CDC42BPB: variants seen among roughly 807,000 people sequenced by gnomAD.
The protein encoded by CDC42BPB is CDC42 binding protein kinase beta, also known as serine/threonine-protein kinase MRCK beta.
In CDC42BPB, 37 loss-of-function variants were observed where a neutral mutation model predicts 214.9. That is an observed-to-expected ratio of 0.17 (90% confidence interval 0.13 to 0.23). The LOEUF is 0.23. CDC42BPB is among the 10% of genes least tolerant of loss of function. The pLI is 1.00. For synonymous variants in CDC42BPB, 931 were observed against 884.0 expected (o/e 1.05, Z -0.94); for missense variants, 1,694 against 2,227.0 (o/e 0.76, Z 4.82).
At chr14:102,972,563 C>G (rs2139477304) in intron 12 of CDC42BPB, among the ~76,000 whole-genome samples, 1 of 151,878 alleles carries the variant, frequency 6.6e-6, no homozygotes, top group East Asian at 1.9e-4. Flanking sequence ...GTGGTGGGTG[C>G]CTGTAGTCCC....
chr14:102,938,334 G>A lies in CDC42BPB; in HGVS notation c.4905C>T (p.Asn1635=). Residue 1635 remains asparagine, a synonymous_variant, in exon 35 of 37, where the codon AAC becomes AAT. Transcript: ENST00000361246. The stretch of plus-strand genomic sequence containing the variant: ...ATGAGGGCCACGAGATGTAGGGCTT[G>A]TTCCTGGATGGAGGCTGGCGAGCCA... ...TNLARQPPSR[N]KPYISWPSSG... is the part of the protein sequence containing the mutation. 2 of 1,605,540 alleles carry A rather than the reference G, an allele frequency of 1.2e-6. No individual in the cohort carries two copies. Among genetic ancestry groups the A allele is most frequent in the Non-Finnish European group, 1.7e-6 (2 of 1,176,442 alleles).
At chr14:103,000,456 G>T (rs1049659812) in intron 4 of CDC42BPB, among the ~76,000 whole-genome samples, 4 of 152,262 alleles carry the variant, frequency 2.6e-5, no homozygotes, top group East Asian at 1.9e-4. Context: ...CCAGTGGGGA[G>T]ATCTCACAGG....
intron 19 of CDC42BPB, 105 bp downstream of exon 19, chr14:102,964,397 C>A: frequency 7.2e-7 from 1 of 1,381,218 alleles, no homozygotes; most frequent in South Asian, 1.3e-5. Context: ...AACGCCGTGG[C>A]CCCGATTTTC....
At chr14:103,014,710 A>G (rs768700143) in intron 1 of CDC42BPB, among the ~76,000 whole-genome samples, 1 of 152,152 alleles carries the variant, frequency 6.6e-6, no homozygotes, top group East Asian at 1.9e-4. Flanking sequence ...GTTATGAACA[A>G]TGGCCCCCAT....
At chr14:102,980,225 T>C (rs1487943390) in intron 8 of CDC42BPB, among the ~76,000 whole-genome samples, 1 of 152,248 alleles carries the variant, frequency 6.6e-6, no homozygotes, top group African/African-American at 2.4e-5. Context: ...CTGGGCGCGA[T>C]GGCTCACGCC....
At chr14:102,994,654 TCTCCCAGCTG>T (rs1894645861) in intron 5 of CDC42BPB, among the ~76,000 whole-genome samples, 1 of 152,214 alleles carries the variant, frequency 6.6e-6, no homozygotes, top group Non-Finnish European at 1.5e-5. Context: ...AAGTGCATTT[TCTCCCAGCTG>T]CTGAGATTCT....
chr14:102,957,385 C>T (rs539862160), intron 21 of CDC42BPB, among the ~76,000 whole-genome samples: 1 of 152,068 alleles, frequency 6.6e-6, no homozygotes, highest in Admixed American at 6.5e-5. Context: ...GGGCCCTCTA[C>T]TCTGTTAATG....
intron 9 of CDC42BPB, 136 bp from the exon 10 acceptor site, chr14:102,976,185 T>G: frequency 6.9e-7 from 1 of 1,454,284 alleles, no homozygotes; most frequent in Non-Finnish European, 9.0e-7. Context: ...CTTTATGGTT[T>G]ATGGAACCAA....
At chr14:103,047,279 C>CTAA (rs1566926227) in intron 1 of CDC42BPB, among the ~76,000 whole-genome samples, 5 of 93,462 alleles carry the variant, frequency 5.3e-5, no homozygotes, top group African/African-American at 1.5e-4. Context: ...GTAATACTCT[C>CTAA]AAAAAAAAAA....
At chr14:102,986,296 G>A (rs1248835742) in intron 6 of CDC42BPB, 191 bp downstream of exon 6, 3 of 536,528 alleles carry the variant, frequency 5.6e-6, no homozygotes. Context: ...AAGCAATAAA[G>A]ATGCTTTCCA....
intron 13 of CDC42BPB, among the ~76,000 whole-genome samples, chr14:102,970,768 AT>A (rs1893438259): frequency 1.3e-5 from 2 of 152,310 alleles, no homozygotes; most frequent in South Asian, 4.1e-4. Flanking sequence ...CTAATTCCTC[AT>A]TAGGGGTATC....
At chr14:102,950,807 A>G in intron 24 of CDC42BPB, 1 of 447,800 alleles carries the variant, frequency 2.2e-6, no homozygotes, top group Non-Finnish European at 2.9e-6. Flanking sequence ...CTTTATTAAA[A>G]ATACAAAAAT....
In CDC42BPB at chr14:102,932,787, C is replaced by T. The variant is rs533551183; in HGVS notation, c.*925G>A. 10 of 151,866 alleles carry T rather than the reference C, an allele frequency of 6.6e-5. No homozygotes were observed. The South Asian group carries it at 1.7e-3, about 25-fold the overall frequency. The allele number at this position is 151,866 out of a possible 1,614,324, so 9.4% of individuals were successfully genotyped here. A position where few individuals can be genotyped will look rare whatever the true frequency, so the allele number is the denominator to read the frequency against. ...CGCAGGGGATTGCTGTGCCGTGGGCCGGGGCCAGTGTGCAGGAGTGTGTTG... is the reference window on the plus strand; with the variant it reads ...CGCAGGGGATTGCTGTGCCGTGGGCTGGGGCCAGTGTGCAGGAGTGTGTTG... On this transcript the variant is annotated 3_prime_UTR_variant, in exon 37 of 37. Transcript: ENST00000361246.
At chr14:102,942,324 G>A (rs928633355) in intron 30 of CDC42BPB, among the ~76,000 whole-genome samples, 2 of 152,202 alleles carry the variant, frequency 1.3e-5, no homozygotes, top group East Asian at 1.9e-4. Flanking sequence ...CACAGGCCTG[G>A]TGTCTAGCCA....
chr14:103,044,439 A>G (rs6575942), intron 1 of CDC42BPB, among the ~76,000 whole-genome samples: 14,227 of 144,556 alleles, frequency 0.098, 1,701 homozygotes, highest in African/African-American at 0.29. Flanking sequence ...GTGCAATCTC[A>G]GCTCACTGCA....
chr14:103,027,468 G>A (rs962246781), intron 1 of CDC42BPB, among the ~76,000 whole-genome samples: 5 of 152,162 alleles, frequency 3.3e-5, no homozygotes, highest in African/African-American at 9.7e-5. Flanking sequence ...AGTGAAAACC[G>A]AAATGTCCAT....
intron 11 of CDC42BPB, among the ~76,000 whole-genome samples, chr14:102,974,901 A>C (rs1002323942): frequency 9.9e-5 from 15 of 152,266 alleles, no homozygotes; most frequent in African/African-American, 3.4e-4. Context: ...AGCCGAGATC[A>C]TGCCACTGCA....
At chr14:103,048,237 T>C (rs980507168) in intron 1 of CDC42BPB, among the ~76,000 whole-genome samples, 3 of 151,916 alleles carry the variant, frequency 2.0e-5, no homozygotes, top group African/African-American at 7.3e-5. Flanking sequence ...TGACTGTACA[T>C]TGAAAACCAA....
At position 103,007,337 on chromosome 14, in the gene CDC42BPB, C is replaced by T. The variant is rs562949440; in HGVS notation, c.351+1135G>A. Among the ~76,000 whole-genome samples, 3 of 152,248 alleles carry T rather than the reference C, an allele frequency of 2.0e-5. No individual in the cohort carries two copies. In the East Asian group the frequency reaches 5.8e-4, roughly 29 times the overall value. ...GCCAGAATGACTGAGTCACGAGGAA[C>T]CGATAACACCCACCAAGTTAATAAA... On this transcript the variant is annotated intron_variant, in intron 3 of 36. Coordinates refer to ENST00000361246, the MANE Select transcript of CDC42BPB (RefSeq NM_006035.4).
Sources: allele counts gnomAD v4.1 joint callset (sites outside exome capture counted in the v4.1 genomes callset), GRCh38; gene constraint gnomAD v4.1.1; transcripts MANE v1.5; gene names NCBI Gene and HGNC (gene_info 2026-07-23, HGNC 2026-07-21).